Variants in PCDHGA2 observed in about 807,000 individuals in gnomAD.
PCDHGA2 encodes the protein protocadherin gamma-A2.
In PCDHGA2, 40 loss-of-function variants were observed where a neutral mutation model predicts 59.2. That is an observed-to-expected ratio of 0.68 (90% CI 0.52 to 0.88). The LOEUF is 0.88. Ranked by LOEUF, PCDHGA2 falls within the 40% of genes least tolerant of loss-of-function variation. The probability of loss-of-function intolerance (pLI) is 0.00; values close to 1 mark genes in which losing one functional copy is unlikely to be tolerated. For synonymous variants in PCDHGA2, 560 were observed against 526.0 expected (o/e 1.06, Z -0.89); for missense variants, 1,226 against 1,204.0 (o/e 1.02, Z -0.27).
chr5:141,361,040 C>A, intron 1 of PCDHGA2: 1 of 1,613,336 alleles, frequency 6.2e-7, no homozygotes. Context: ...GGAGAAATCA[C>A]GACAAAGGAT....
chr5:141,381,826 C>CTTCTT (rs1777532522), intron 1 of PCDHGA2, among the ~76,000 whole-genome samples: 13 of 74,294 alleles, frequency 1.7e-4, no homozygotes, highest in South Asian at 5.2e-4. Context: ...CTTTCTTCTT[C>CTTCTT]TTTTTTTTTT....
In PCDHGA2 at chr5:141,511,346, C is replaced by T; in HGVS notation, c.*173C>T. 7.1e-7 allele frequency: 1 copy of T among 1,400,168 alleles called. No homozygotes were observed. The allele number at this position is 1,400,168 out of a possible 1,614,324, so 86.7% of individuals were successfully genotyped here. A position where few individuals can be genotyped will look rare whatever the true frequency, so the allele number is the denominator to read the frequency against. On this transcript the variant is annotated 3_prime_UTR_variant, in exon 4 of 4. Transcript: ENST00000394576. ...AGTGCCCAGTCAGCACCTACCCCTT[C>T]CCCCCCAGGGGGTTGAATATGCAAA...
intron 2 of PCDHGA2, among the ~76,000 whole-genome samples, chr5:141,499,149 A>G (rs1215155217): frequency 6.6e-6 from 1 of 152,084 alleles, no homozygotes; most frequent in African/African-American, 2.4e-5. Context: ...TCTGATCCCA[A>G]TAGCTGTTGT....
chr5:141,399,387 CACAG>C, intron 1 of PCDHGA2: 4 of 1,614,028 alleles, frequency 2.5e-6, no homozygotes, highest in Non-Finnish European at 2.5e-6. Context: ...CCATCACAGC[CACAG>C]ACAGGGGCAA....
At chr5:141,356,230 G>T in intron 1 of PCDHGA2, 1 of 1,592,426 alleles carries the variant, frequency 6.3e-7, no homozygotes, top group Non-Finnish European at 8.6e-7. Context: ...AAATGACAAC[G>T]CACCAGAAGT....
chr5:141,394,521 G>C, intron 1 of PCDHGA2: 1 of 1,614,212 alleles, frequency 6.2e-7, no homozygotes, highest in Non-Finnish European at 8.5e-7. Context: ...CCTCCCCACA[G>C]ACGGTTCCAC....
chr5:141,338,830 A>T lies in PCDHGA2; in HGVS notation c.-142A>T. On this transcript the variant is annotated 5_prime_UTR_variant, in exon 1 of 4. Coordinates refer to ENST00000394576, the MANE Select transcript of PCDHGA2 (RefSeq NM_018915.4). ...CCCTAAAGCTTCAGGACACCAAAGA[A>T]ATTCAGTCGAACAGCCCACCAGTTC... 7.2e-7 allele frequency: 1 copy of T among 1,391,798 alleles called. No homozygotes were observed. The allele number at this position is 1,391,798 out of a possible 1,614,324, so 86.2% of individuals were successfully genotyped here.
intron 1 of PCDHGA2, among the ~76,000 whole-genome samples, chr5:141,450,038 A>G (rs2098666630): frequency 8.1e-6 from 1 of 124,190 alleles, no homozygotes; most frequent in African/African-American, 3.3e-5. Context: ...ACAGGGTCTC[A>G]CTCTTTCGCC....
chr5:141,404,579 A>G (rs1390358900), intron 1 of PCDHGA2: 1 of 1,614,002 alleles, frequency 6.2e-7, no homozygotes, highest in Non-Finnish European at 8.5e-7. Flanking sequence ...CCCACCACTT[A>G]GCAGCAATGT....
intron 1 of PCDHGA2, chr5:141,371,954 C>T (rs1182311011): frequency 6.2e-7 from 1 of 1,613,274 alleles, no homozygotes; most frequent in Non-Finnish European, 8.5e-7. Flanking sequence ...AGCGAGCCTT[C>T]GACCACGAGC....
chr5:141,448,204 C>G (rs757249025), intron 1 of PCDHGA2, among the ~76,000 whole-genome samples: 28 of 152,124 alleles, frequency 1.8e-4, no homozygotes, highest in South Asian at 4.1e-4. Flanking sequence ...CAAACATTTT[C>G]TGTGTGTATG....
At chr5:141,481,844 G>A (rs552753850) in intron 1 of PCDHGA2, among the ~76,000 whole-genome samples, 7 of 151,350 alleles carry the variant, frequency 4.6e-5, no homozygotes, top group Admixed American at 1.3e-4. Context: ...TCGCTTGATG[G>A]TGGAGGTTGC....
rs765972156 is a variant in PCDHGA2, at chr5:141,432,960, G to A, written c.2425-61847G>A. 3.1e-6 allele frequency: 5 copies of A among 1,614,070 alleles called. No individual in the cohort carries two copies. The East Asian group carries it at 6.7e-5, about 22-fold the overall frequency. On this transcript the variant is annotated intron_variant, in intron 1 of 3. Transcript: ENST00000394576. This position sits in a 1 kb window ranked among gnomAD's most constrained non-coding sequence, Gnocchi z 6.0. ...CAGGCTTCAGGAGGCGGCTTGACAG[G>A]AGCGCCGGCGTCGCACTTTGTGGGC...
chr5:141,417,899 C>G lies in PCDHGA2; in HGVS notation c.2424+76504C>G, dbSNP rs781294504. On this transcript the variant is annotated intron_variant, in intron 1 of 3. Transcript: ENST00000394576. ...CGCGCAGAGGCGCCGGGCCGGCCCG[C>G]GGCAGGTACTATTTCCTTTGCTGCT... 2.0e-5 allele frequency: 31 copies of G among 1,581,354 alleles called. 2 individuals carry two copies. In the South Asian group the frequency reaches 3.4e-4, roughly 17 times the overall value.
At chr5:141,375,385 A>G in intron 1 of PCDHGA2, 3 of 1,614,012 alleles carry the variant, frequency 1.9e-6, no homozygotes, top group East Asian at 4.5e-5. Flanking sequence ...CTCTGTCTAC[A>G]GAAACAATCA....
chr5:141,446,854 C>T (rs1474444931), intron 1 of PCDHGA2, among the ~76,000 whole-genome samples: 1 of 152,134 alleles, frequency 6.6e-6, no homozygotes, highest in Non-Finnish European at 1.5e-5. Context: ...AATAAGCTTC[C>T]TGATAGCTCT....
chr5:141,344,131 A>G, intron 1 of PCDHGA2: 2 of 1,613,974 alleles, frequency 1.2e-6, no homozygotes, highest in Non-Finnish European at 1.7e-6. Flanking sequence ...CAGATCCGCT[A>G]CTCGGTGTCT....
At chr5:141,414,288 C>T (rs368826232) in intron 1 of PCDHGA2, 40 of 1,613,502 alleles carry the variant, frequency 2.5e-5, no homozygotes, top group South Asian at 4.4e-5. Context: ...CAGTCGTAGC[C>T]CTTTTAAATG....
rs759272109 is a variant in PCDHGA2, at chr5:141,420,170, G to A, written c.2425-74637G>A. ...TCCAGAATTTAATTTTTTCACATCTGTTGATCATTGTCCAGCCACACAAGA... is the reference window on the plus strand; with the variant it reads ...TCCAGAATTTAATTTTTTCACATCTATTGATCATTGTCCAGCCACACAAGA... On this transcript the variant is annotated intron_variant, in intron 1 of 3. Coordinates refer to ENST00000394576, the MANE Select transcript of PCDHGA2 (RefSeq NM_018915.4). 22 of 1,613,846 alleles carry A rather than the reference G, an allele frequency of 1.4e-5. No homozygotes were observed. Among genetic ancestry groups the A allele is most frequent in the Non-Finnish European group, 1.8e-5 (21 of 1,179,888 alleles).
Sources: allele counts gnomAD v4.1 joint callset (sites outside exome capture counted in the v4.1 genomes callset), GRCh38; gene constraint gnomAD v4.1.1; non-coding constraint Gnocchi (gnomAD v3.1); transcripts MANE v1.5; gene names NCBI Gene and HGNC (gene_info 2026-07-23, HGNC 2026-07-21).